TMEM260: variants seen among roughly 807,000 people sequenced by gnomAD.
TMEM260 encodes transmembrane protein 260.
Under a neutral mutation model 88.9 loss-of-function variants are expected in TMEM260, and 82 were observed. The ratio of observed to expected loss-of-function variants is 0.92; its 90% CI spans 0.77 to 1.11. The LOEUF is 1.11. Ranked by LOEUF, TMEM260 falls within the 50% of genes least tolerant of loss-of-function variation. TMEM260 has a pLI of 0.00. For missense variants in TMEM260, 902 were observed against 853.4 expected (o/e 1.06, Z -0.71); for synonymous variants, 314 against 309.3 (o/e 1.02, Z -0.16).
At chr14:56,650,863 T>G (rs763028516), downstream of TMEM260, among the ~76,000 whole-genome samples, 28 of 152,262 alleles carry the variant, frequency 1.8e-4, no homozygotes, top group Admixed American at 4.6e-4. Context: ...TAGGAAAAAT[T>G]TTATACCAAA....
At chr14:56,586,223 A>C (rs1202637818) in intron 3 of TMEM260, among the ~76,000 whole-genome samples, 1 of 152,134 alleles carries the variant, frequency 6.6e-6, no homozygotes, top group African/African-American at 2.4e-5. Flanking sequence ...TATGAGGTTC[A>C]TCTTTTGGTA....
Position 56,580,059 on chromosome 14 carries a change from C to G in TMEM260, c.145C>G (p.Pro49Ala). 1.6e-6 allele frequency: 2 copies of G among 1,252,274 alleles called. No individual in the cohort carries two copies. Among genetic ancestry groups the G allele is most frequent in the Non-Finnish European group, 2.0e-6 (2 of 990,548 alleles). The allele number at this position is 1,252,274 out of a possible 1,614,324, so 77.6% of individuals were successfully genotyped here. Residue 49 changes from proline (P) to alanine (A), a missense_variant, in exon 1 of 16, where the codon CCG (proline) becomes GCG (alanine). Pro to Ala is a conservative substitution (Grantham distance 27, BLOSUM62 -1). Transcript: ENST00000261556. ...CACCTTCACCCTGCCCCCTTCGGTA[C>G]CGGGGGGAGACTCCGGTAAAGTACT... is the stretch of plus-strand genomic sequence containing the variant. ...VFTFTLPPSV[P>A]GGDSGELITA...
intron 15 of TMEM260, among the ~76,000 whole-genome samples, chr14:56,644,365 C>G (rs1889811409): frequency 6.6e-6 from 1 of 152,162 alleles, no homozygotes; most frequent in Non-Finnish European, 1.5e-5. Context: ...CTACAAATAT[C>G]TGATCTTTGA....
intron 12 of TMEM260, among the ~76,000 whole-genome samples, chr14:56,631,796 C>T (rs970685161): frequency 5.3e-5 from 8 of 152,140 alleles, no homozygotes; most frequent in African/African-American, 1.2e-4. Flanking sequence ...GAGATCTTTT[C>T]GGGAAGCTGC....
At chr14:56,609,582 C>T (rs1221548214) in intron 6 of TMEM260, among the ~76,000 whole-genome samples, 1 of 152,070 alleles carries the variant, frequency 6.6e-6, no homozygotes, top group Non-Finnish European at 1.5e-5. Flanking sequence ...CAGTGAGTCA[C>T]TATGGGTACT....
At chr14:56,662,312 G>A in the TMEM260 span, among the ~76,000 whole-genome samples, 7 of 152,190 alleles carry the variant, frequency 4.6e-5, no homozygotes, top group African/African-American at 1.7e-4. Context: ...TTAAATGGCT[G>A]ACAGAATTAT....
At chr14:56,626,601 T>C (rs527980839) in intron 12 of TMEM260, among the ~76,000 whole-genome samples, 1 of 152,192 alleles carries the variant, frequency 6.6e-6, no homozygotes, top group Non-Finnish European at 1.5e-5. Flanking sequence ...GTGTCAGACA[T>C]AGTATATACT....
intron 3 of TMEM260, among the ~76,000 whole-genome samples, chr14:56,601,870 A>G (rs527443275): frequency 2.3e-4 from 35 of 152,102 alleles, no homozygotes; most frequent in African/African-American, 8.2e-4. Flanking sequence ...TTGAGCACTT[A>G]CTTACTTTCT....
chr14:56,610,326 C>T (rs1449932142), intron 6 of TMEM260, among the ~76,000 whole-genome samples: 4 of 152,016 alleles, frequency 2.6e-5, no homozygotes, highest in Non-Finnish European at 5.9e-5. Context: ...CTGCAAGCTC[C>T]GCCTCCCGGG....
At chr14:56,615,853 T>C in intron 7 of TMEM260, 91 bp from the exon 8 acceptor site, 2 of 928,164 alleles carry the variant, frequency 2.2e-6, no homozygotes, top group Admixed American at 3.8e-5. Context: ...GATTGTTCAG[T>C]ATATAATCAA....
At chr14:56,641,474 T>C (rs1390527677) in intron 15 of TMEM260, among the ~76,000 whole-genome samples, 1 of 152,128 alleles carries the variant, frequency 6.6e-6, no homozygotes, top group Non-Finnish European at 1.5e-5. Flanking sequence ...CTGAGAGATT[T>C]TGTCACCACC....
the TMEM260 span, among the ~76,000 whole-genome samples, chr14:56,657,459 C>T: frequency 4.5e-5 from 6 of 133,018 alleles, no homozygotes; most frequent in African/African-American, 2.3e-4. Context: ...CTTACGTTTA[C>T]TACATTTAAT....
In TMEM260 at chr14:56,585,018, G is replaced by A. The variant is rs749064908; in HGVS notation, c.178G>A (p.Ala60Thr). 18 of 1,611,854 alleles carry A rather than the reference G, an allele frequency of 1.1e-5. No homozygotes were observed. Among genetic ancestry groups the A allele is most frequent in the Middle Eastern group, 1.6e-4 (1 of 6,072 alleles). ...GGDSGELITA[A>T]HELGVAHPPG... ...TTTCACAGGGGAACTGATCACAGCC[G>A]CACATGAGCTTGGAGTAAGTATTAG... The change falls in exon 2 of 16, where the codon GCA becomes ACA. Residue 60 changes from alanine to threonine, a missense_variant. Transcript: ENST00000261556.
chr14:56,643,156 C>G (rs891653179), intron 15 of TMEM260, among the ~76,000 whole-genome samples: 2 of 152,226 alleles, frequency 1.3e-5, no homozygotes, highest in Non-Finnish European at 2.9e-5. Context: ...CTCCCTAACT[C>G]ATTTTATGAG....
chr14:56,647,410 G>T lies in TMEM260; in HGVS notation c.2037G>T (p.Pro679=). 6.2e-7 allele frequency: 1 copy of T among 1,614,126 alleles called. No homozygotes were observed. The highest frequency in any genetic ancestry group is 8.5e-7 in the Non-Finnish European group (1 of 1,180,036). The change falls in exon 16 of 16, where the codon CCG becomes CCT. Residue 679 remains proline, a synonymous_variant. Coordinates refer to ENST00000261556, the MANE Select transcript of TMEM260 (RefSeq NM_017799.4). ...RHFRLYSQKA[P]NDPQQADILG... is the part of the protein sequence containing the mutation. ...TCCGTCTGTACTCTCAGAAAGCACC[G>T]AATGACCCACAGCAAGCTGATATTT... is the stretch of plus-strand genomic sequence containing the variant.
intron 5 of TMEM260, 114 bp from the exon 6 acceptor site, chr14:56,608,992 G>T: frequency 9.5e-7 from 1 of 1,048,838 alleles, no homozygotes; most frequent in Non-Finnish European, 1.4e-6. Context: ...AATATAAATT[G>T]GGAGATCAGC....
chr14:56,607,899 CTGTT>C (rs1378189590), intron 5 of TMEM260, among the ~76,000 whole-genome samples: 2 of 152,186 alleles, frequency 1.3e-5, no homozygotes, highest in African/African-American at 4.8e-5. Context: ...AATTGTCTCC[CTGTT>C]TATTTCTCAC....
intron 12 of TMEM260, among the ~76,000 whole-genome samples, chr14:56,631,603 A>G (rs1338960353): frequency 3.5e-5 from 5 of 144,480 alleles, no homozygotes; most frequent in Non-Finnish European, 6.0e-5. Flanking sequence ...ATCCTGGGCT[A>G]CAAAGCAAGA....
At chr14:56,663,153 T>C in the TMEM260 span, among the ~76,000 whole-genome samples, 1 of 152,208 alleles carries the variant, frequency 6.6e-6, no homozygotes, top group Non-Finnish European at 1.5e-5. The surrounding 1 kb of genome is among the most constrained non-coding windows in gnomAD (Gnocchi z 4.1). Context: ...TTGCATTAAA[T>C]GTTGAGCATC....
Sources: gnomAD v4.1 joint callset for allele counts (sites outside exome capture counted in the v4.1 genomes callset) on GRCh38, gnomAD v4.1.1 for gene constraint, Gnocchi (gnomAD v3.1) non-coding constraint, MANE v1.5 for transcripts, NCBI Gene and HGNC (gene_info 2026-07-23, HGNC 2026-07-21) for gene names.